CCDC138: variants seen among roughly 807,000 people sequenced by gnomAD.
CCDC138 encodes coiled-coil domain-containing protein 138.
Under a neutral mutation model 82.3 loss-of-function variants are expected in CCDC138, and 66 were observed. The observed-to-expected ratio is 0.80, with a 90% CI of 0.66 to 0.98. The LOEUF (loss-of-function observed/expected upper bound fraction) is 0.98, where lower values mean the gene tolerates loss of function less well. Ranked by LOEUF, CCDC138 falls within the 50% of genes least tolerant of loss-of-function variation. The pLI is 0.00. For synonymous variants in CCDC138, 297 were observed against 265.4 expected (o/e 1.12, Z -1.16); for missense variants, 816 against 758.9 (o/e 1.08, Z -0.88).
rs539316641 is a variant in CCDC138 at position 108,824,677 on chromosome 2, CAT to C, written c.1206+8574_1206+8575del. Among the ~76,000 whole-genome samples the C allele has an allele frequency of 3.4e-3, 520 of 152,120 alleles. 1 individual carries two copies. Among genetic ancestry groups the C allele is most frequent in the Non-Finnish European group, 6.1e-3 (418 of 67,986 alleles). On this transcript the variant is annotated intron_variant, in intron 10 of 14. Transcript: ENST00000295124. ...AGTGTAGCAAATATGTAACCAGTAA[CAT>C]AGTCATTTATTATCTTTATCAAGTA...
chr2:108,850,186 T>A (rs1691214116), intron 12 of CCDC138, among the ~76,000 whole-genome samples: 1 of 152,150 alleles, frequency 6.6e-6, no homozygotes, highest in Non-Finnish European at 1.5e-5. Flanking sequence ...GAAAAACTCT[T>A]AAATCCTAAG....
intron 1 of CCDC138, among the ~76,000 whole-genome samples, chr2:108,787,600 A>T (rs189022929): frequency 1.3e-5 from 2 of 152,030 alleles, no homozygotes; most frequent in African/African-American, 4.8e-5. Flanking sequence ...TTATAGGAAA[A>T]TTTTTTCCTA....
At chr2:108,823,377 A>G (rs991127118) in intron 10 of CCDC138, among the ~76,000 whole-genome samples, 4 of 152,242 alleles carry the variant, frequency 2.6e-5, no homozygotes, top group African/African-American at 7.2e-5. Context: ...TGATGCAAAA[A>G]TCCTCAACAA....
intron 10 of CCDC138, among the ~76,000 whole-genome samples, chr2:108,828,678 G>A (rs1438518596): frequency 6.6e-6 from 1 of 152,100 alleles, no homozygotes; most frequent in Non-Finnish European, 1.5e-5. Flanking sequence ...TACCTTATAC[G>A]ATATGTAAAA....
intron 10 of CCDC138, among the ~76,000 whole-genome samples, chr2:108,838,512 T>G (rs866992335): frequency 6.6e-6 from 1 of 152,166 alleles, no homozygotes; most frequent in South Asian, 2.1e-4. Flanking sequence ...AAATCGATTT[T>G]CTTAGGCTGG....
chr2:108,812,939 T>C lies in CCDC138; in HGVS notation c.1041+12T>C, dbSNP rs1168931129. 2 of 1,611,388 alleles carry C rather than the reference T, an allele frequency of 1.2e-6. No homozygotes were observed. Among genetic ancestry groups the C allele is most frequent in the Admixed American group, 3.3e-5 (2 of 59,846 alleles). ...CAAAAACTTACAAGGTAAGTTTGAA[T>C]TATGATTTGATATGATTGAAAATTT... On this transcript the variant is annotated intron_variant, in intron 9 of 14. Transcript: ENST00000295124.
intron 7 of CCDC138, among the ~76,000 whole-genome samples, chr2:108,808,572 C>A (rs893815582): frequency 4.6e-5 from 7 of 152,088 alleles, no homozygotes; most frequent in African/African-American, 2.4e-5. Flanking sequence ...GAGATTGATA[C>A]CTGATCATGG....
chr2:108,787,454 C>T (rs762236179), intron 1 of CCDC138, among the ~76,000 whole-genome samples: 4 of 152,140 alleles, frequency 2.6e-5, no homozygotes, highest in Non-Finnish European at 4.4e-5. Flanking sequence ...ATAGAAATAA[C>T]TTGTGCATTT....
At chr2:108,844,184 A>C (rs1690057744) in intron 11 of CCDC138, among the ~76,000 whole-genome samples, 1 of 151,770 alleles carries the variant, frequency 6.6e-6, no homozygotes. Flanking sequence ...TTTCAGCCCT[A>C]CCTGATTTTT....
chr2:108,847,901 G>A (rs1690754982), intron 12 of CCDC138, among the ~76,000 whole-genome samples: 1 of 152,110 alleles, frequency 6.6e-6, no homozygotes, highest in African/African-American at 2.4e-5. Flanking sequence ...GATTACAATA[G>A]ACTAGGTGGT....
rs1328643083 is a variant in CCDC138, at chr2:108,816,158, G to A, written c.1206+53G>A. 3.6e-6 allele frequency: 5 copies of A among 1,382,674 alleles called. No individual in the cohort carries two copies. The African/African-American group carries it at 5.8e-5, about 16-fold the overall frequency. 85.7% of individuals were successfully genotyped at this position (1,382,674 alleles called of 1,614,324 possible). A position where few individuals can be genotyped will look rare whatever the true frequency, so the allele number is the denominator to read the frequency against. On this transcript the variant is annotated intron_variant, in intron 10 of 14. Transcript: ENST00000295124. ...TTCAGAATATATGAAGATTAAAAAA[G>A]GAAAAGCCAGGGCCAGGCACAGTGG...
rs35540493 is a variant in CCDC138 at position 108,857,066 on chromosome 2, C to CTTT, written c.1693+125_1693+127dup. 89 of 44,088 alleles carry CTTT rather than the reference C, an allele frequency of 2.0e-3. 21 individuals are homozygous for CTTT. Among genetic ancestry groups the CTTT allele is most frequent in the African/African-American group, 7.3e-3 (59 of 8,086 alleles). The allele number at this position is 44,088 out of a possible 1,614,324, so 2.7% of individuals were successfully genotyped here. The stretch of plus-strand genomic sequence containing the variant: ...TAACTCCACATATCAGATACTATTG[C>CTTT]TTTTTTTTTTTTTTTTTTTTTTTTT... On this transcript the variant is annotated intron_variant, in intron 13 of 14. Coordinates refer to ENST00000295124, the MANE Select transcript of CCDC138 (RefSeq NM_144978.3).
chr2:108,807,298 A>G (rs1280232241), intron 7 of CCDC138, among the ~76,000 whole-genome samples: 4 of 152,238 alleles, frequency 2.6e-5, no homozygotes, highest in Admixed American at 1.3e-4. Flanking sequence ...TAATAAGTCT[A>G]TGGAAAGGAA....
chr2:108,858,487 G>A (rs1480330277), intron 13 of CCDC138, among the ~76,000 whole-genome samples: 1 of 152,168 alleles, frequency 6.6e-6, no homozygotes, highest in Non-Finnish European at 1.5e-5. Flanking sequence ...GGAAATGGGT[G>A]AATCTTTGAT....
intron 6 of CCDC138, among the ~76,000 whole-genome samples, chr2:108,804,150 C>G (rs1415260075): frequency 6.6e-6 from 1 of 151,996 alleles, no homozygotes; most frequent in African/African-American, 2.4e-5. Flanking sequence ...GTATTTATAT[C>G]ACTACTTGGA....
At chr2:108,795,525 G>A (rs1038162359) in intron 5 of CCDC138, among the ~76,000 whole-genome samples, 1 of 152,150 alleles carries the variant, frequency 6.6e-6, no homozygotes, top group African/African-American at 2.4e-5. Context: ...TATGTAATGC[G>A]CAGTATCTGT....
chr2:108,813,299 A>T (rs1281458358), intron 9 of CCDC138, among the ~76,000 whole-genome samples: 1 of 151,130 alleles, frequency 6.6e-6, no homozygotes, highest in African/African-American at 2.4e-5. Flanking sequence ...GAAAGCCAGG[A>T]AGATTTCTCT....
chr2:108,797,832 A>G (rs1314504745), intron 5 of CCDC138, among the ~76,000 whole-genome samples: 1 of 152,218 alleles, frequency 6.6e-6, no homozygotes, highest in East Asian at 1.9e-4. Flanking sequence ...AAGGCTCAAA[A>G]TAGACACTTT....
At chr2:108,854,023 TTTATA>T (rs1269345663) in intron 12 of CCDC138, among the ~76,000 whole-genome samples, 2 of 109,062 alleles carry the variant, frequency 1.8e-5, no homozygotes, top group Non-Finnish European at 3.5e-5. Context: ...ATATAATAAA[TTTATA>T]TTATATATAA....
Sources: gnomAD v4.1 joint callset for allele counts (sites outside exome capture counted in the v4.1 genomes callset) on GRCh38, gnomAD v4.1.1 for gene constraint, MANE v1.5 for transcripts, NCBI Gene and HGNC (gene_info 2026-07-23, HGNC 2026-07-21) for gene names.